The following TET1 variants were observed in gnomAD, a reference collection of about 807,000 sequenced individuals.
The protein encoded by TET1 is methylcytosine dioxygenase TET1.
Under a neutral mutation model 148.7 loss-of-function variants are expected in TET1, and 13 were observed. The ratio of observed to expected loss-of-function variants is 0.09; its 90% CI spans 0.06 to 0.14. TET1 has a LOEUF of 0.14. Ranked by LOEUF, TET1 falls within the 10% of genes least tolerant of loss-of-function variation. TET1 has a pLI of 1.00. For missense variants in TET1, 2,182 were observed against 2,553.8 expected, an observed-to-expected ratio of 0.85 and a Z score of 3.14; for synonymous variants, 907 against 937.2, an observed-to-expected ratio of 0.97 and a Z score of 0.59.
chr10:68,572,598 C>G lies in TET1; in HGVS notation c.260C>G (p.Thr87Ser), dbSNP rs140677396. The change falls in exon 2 of 12, where the codon ACT becomes AGT. Residue 87 changes from threonine to serine, a missense_variant. This residue lies in a region of TET1 where 665 missense variants were observed against 672.4 expected (regional missense o/e 0.99). Coordinates refer to ENST00000373644, the MANE Select transcript of TET1 (RefSeq NM_030625.3). ...AGAARMNLDR[T>S]EVLFQNPESL... ...GCAGCACGCATGAATTTGGATAGGA[C>G]TGAGGTTCTTTTTCAGAACCCAGAG... 1.2e-3 allele frequency: 1,997 copies of G among 1,614,172 alleles called. 6 individuals carry two copies. The highest frequency in any genetic ancestry group is 1.5e-3 in the Non-Finnish European group (1,789 of 1,180,034).
rs182130771 is a variant in TET1 at position 68,692,803 on chromosome 10, A to T, written c.*989A>T. On this transcript the variant is annotated 3_prime_UTR_variant, in exon 12 of 12. Transcript: ENST00000373644. ...GTTTCATCCCACCTTTCTCAGTATA[A>T]TCCATGAGAGGTGTTTCCAAAAGGA... 4.3e-6 allele frequency: 1 copy of T among 231,438 alleles called. No individual in the cohort carries two copies. The highest frequency in any genetic ancestry group is 8.5e-6 in the Non-Finnish European group (1 of 117,100). 14.3% of individuals were successfully genotyped at this position (231,438 alleles called of 1,614,324 possible).
At chr10:68,595,963 C>T (rs7904777) in intron 2 of TET1, among the ~76,000 whole-genome samples, 5,745 of 23,196 alleles carry the variant, frequency 0.25, 360 homozygotes, top group Non-Finnish European at 0.29. Flanking sequence ...TATATATATA[C>T]ACACACACAC....
intron 3 of TET1, among the ~76,000 whole-genome samples, chr10:68,615,805 G>A (rs572507463): frequency 4.7e-4 from 72 of 151,674 alleles, no homozygotes; most frequent in Non-Finnish European, 8.4e-4. Flanking sequence ...CTACGCCTAC[G>A]CCCGGCTAAT....
At chr10:68,649,506 C>T (rs1435238659) in intron 4 of TET1, among the ~76,000 whole-genome samples, 1 of 150,342 alleles carries the variant, frequency 6.7e-6, no homozygotes, top group Admixed American at 6.7e-5. Context: ...ACTTGGGAGG[C>T]TGAGGCAGGA....
rs151072558 is a variant in TET1 at position 68,667,194 on chromosome 10, C to T, written c.4611C>T (p.Leu1537=). ...LPMADRLYTE[L]TENLKSYNGH... ...TGGCCGACCGGCTATACACAGAGCT[C>T]ACAGAGAATCTAAAGTCATACAATG... Residue 1537 remains leucine, a synonymous_variant, in exon 7 of 12, where the codon CTC becomes CTT. Coordinates refer to ENST00000373644, the MANE Select transcript of TET1 (RefSeq NM_030625.3). 8.1e-5 allele frequency: 131 copies of T among 1,614,074 alleles called. No individual in the cohort carries two copies. In the African/African-American group the frequency reaches 1.5e-3, roughly 19 times the overall value.
chr10:68,571,606 G>T (rs1419782973), intron 1 of TET1, among the ~76,000 whole-genome samples: 1 of 151,556 alleles, frequency 6.6e-6, no homozygotes, highest in Non-Finnish European at 1.5e-5. Context: ...CACCATGTTG[G>T]CCAGGCTGGT....
chr10:68,611,464 C>T (rs907162012), intron 3 of TET1, among the ~76,000 whole-genome samples: 2 of 151,898 alleles, frequency 1.3e-5, no homozygotes, highest in Non-Finnish European at 2.9e-5. Context: ...CCAGCCTGGG[C>T]AACATAGCAA....
intron 3 of TET1, among the ~76,000 whole-genome samples, chr10:68,631,978 T>C (rs7101335): frequency 0.04 from 6,106 of 151,594 alleles, 422 homozygotes; most frequent in African/African-American, 0.14. Context: ...CTATCTTTGA[T>C]CATGAGGGAG....
In TET1 at chr10:68,646,187, C is replaced by T; in HGVS notation, c.3458C>T (p.Thr1153Ile). ...CCAACCCAGAAAAAGACAAAATCCA[C>T]CCCATCAAGAGATCGGCGGAAAAAG... The part of the protein sequence containing the change: ...KNPTQKKTKS[T>I]PSRDRRKKKP... Residue 1153 changes from threonine (T) to isoleucine (I), a missense_variant, in exon 4 of 12, where the codon ACC (threonine) becomes ATC (isoleucine). Thr to Ile is a moderately conservative substitution (Grantham distance 89). Transcript: ENST00000373644. 6.2e-7 allele frequency: 1 copy of T among 1,613,954 alleles called. No individual in the cohort carries two copies. Among genetic ancestry groups the T allele is most frequent in the Non-Finnish European group, 8.5e-7 (1 of 1,179,990 alleles).
chr10:68,606,466 A>C (rs952843997), intron 3 of TET1, among the ~76,000 whole-genome samples: 5 of 152,230 alleles, frequency 3.3e-5, no homozygotes, highest in African/African-American at 1.2e-4. Flanking sequence ...TAGTAAAATA[A>C]ATCATTGGTA....
chr10:68,672,487 CAAAAAAAAAAAAAAA>C (rs71483920), intron 7 of TET1, among the ~76,000 whole-genome samples: 3 of 49,732 alleles, frequency 6.0e-5, no homozygotes, highest in African/African-American at 9.3e-5. Context: ...GACCCCATCT[CAAAAAAAAAAAAAAA>C]AAAAAAAAAC....
chr10:68,685,942 G>A (rs1334221017), intron 10 of TET1, among the ~76,000 whole-genome samples: 5 of 152,088 alleles, frequency 3.3e-5, no homozygotes, highest in Non-Finnish European at 7.4e-5. Flanking sequence ...TGACATTCTT[G>A]AAATATCAGA....
intron 2 of TET1, among the ~76,000 whole-genome samples, chr10:68,599,161 C>T (rs1359063069): frequency 1.3e-5 from 2 of 152,232 alleles, no homozygotes; most frequent in African/African-American, 2.4e-5. Flanking sequence ...GCAGGCCTTC[C>T]GGCCCTCACT....
chr10:68,669,568 A>T (rs1181539096), intron 7 of TET1, among the ~76,000 whole-genome samples: 1 of 143,336 alleles, frequency 7.0e-6, no homozygotes, highest in African/African-American at 2.6e-5. Context: ...GTTAGCCAGG[A>T]TGGTCTTGAT....
At chr10:68,664,035 C>T (rs2055159272) in intron 6 of TET1, among the ~76,000 whole-genome samples, 2 of 152,044 alleles carry the variant, frequency 1.3e-5, no homozygotes, top group African/African-American at 4.8e-5. Context: ...GTCTTGCTCC[C>T]ATCGCGCAGG....
chr10:68,630,989 C>T (rs1589093764), intron 3 of TET1, among the ~76,000 whole-genome samples: 1 of 151,918 alleles, frequency 6.6e-6, no homozygotes, highest in Non-Finnish European at 1.5e-5. Context: ...CCAGCGTGGG[C>T]AACATAATGA....
chr10:68,686,317 CCG>C (rs1564511128), intron 10 of TET1, 37 bp from the exon 11 acceptor site: 1 of 1,517,512 alleles, frequency 6.6e-7, no homozygotes, highest in East Asian at 2.3e-5. Flanking sequence ...TGTGCACGAC[CCG>C]TATATCTTTC....
intron 3 of TET1, among the ~76,000 whole-genome samples, chr10:68,620,007 A>G (rs1229850825): frequency 1.3e-5 from 2 of 152,124 alleles, no homozygotes; most frequent in Non-Finnish European, 2.9e-5. Context: ...AGCCTGGCCA[A>G]TATGGTGAAA....
chr10:68,578,027 A>T (rs2053752467), intron 2 of TET1, among the ~76,000 whole-genome samples: 1 of 152,136 alleles, frequency 6.6e-6, no homozygotes, highest in African/African-American at 2.4e-5. Context: ...AGCCACTGCA[A>T]ATGAGAAATC....
Sources: gnomAD v4.1 joint callset for allele counts (sites outside exome capture counted in the v4.1 genomes callset) on GRCh38, gnomAD v4.1.1 for gene constraint, gnomAD v4.1.1 regional missense constraint, MANE v1.5 for transcripts, NCBI Gene and HGNC (gene_info 2026-07-23, HGNC 2026-07-21) for gene names.